The following ABTB3 variants were observed in gnomAD, a reference collection of about 807,000 sequenced individuals.
The protein encoded by ABTB3 is ankyrin repeat- and BTB/POZ domain-containing protein 3.
chr12:107,412,771 T>C, the ABTB3 span, among the ~76,000 whole-genome samples: 1 of 151,828 alleles, frequency 6.6e-6, no homozygotes, highest in South Asian at 2.1e-4. Context: ...GGATCTCACT[T>C]CCAATTTGTT....
chr12:107,344,535 G>T, the ABTB3 span, among the ~76,000 whole-genome samples: 2 of 152,198 alleles, frequency 1.3e-5, no homozygotes, highest in Admixed American at 1.3e-4. Flanking sequence ...CAGAGGTCAG[G>T]TTTCTCTAAG....
the ABTB3 span, among the ~76,000 whole-genome samples, chr12:107,600,498 A>C: frequency 6.6e-6 from 1 of 152,182 alleles, no homozygotes; most frequent in Non-Finnish European, 1.5e-5. Context: ...AAGACAACTA[A>C]TCTGACTGCT....
chr12:107,560,112 T>C, the ABTB3 span, among the ~76,000 whole-genome samples: 10 of 152,352 alleles, frequency 6.6e-5, no homozygotes. Context: ...GGTAGTACTA[T>C]AGAACATTCA....
chr12:107,394,377 A>G, the ABTB3 span, among the ~76,000 whole-genome samples: 1 of 152,326 alleles, frequency 6.6e-6, no homozygotes, highest in African/African-American at 2.4e-5. Context: ...TTCCTAGTGA[A>G]AGGTACTGTC....
the ABTB3 span, among the ~76,000 whole-genome samples, chr12:107,547,407 A>G: frequency 1.3e-5 from 2 of 152,092 alleles, no homozygotes; most frequent in African/African-American, 2.4e-5. Context: ...TTTCTATTAC[A>G]CAGTGTCCAT....
the ABTB3 span, chr12:107,319,592 C>A: frequency 1.3e-6 from 2 of 1,538,576 alleles, no homozygotes; most frequent in Non-Finnish European, 1.7e-6. Flanking sequence ...CCGCGTGTAT[C>A]GCTGGATGGT....
the ABTB3 span, among the ~76,000 whole-genome samples, chr12:107,436,825 GC>G: frequency 1.3e-5 from 2 of 152,106 alleles, no homozygotes; most frequent in Non-Finnish European, 2.9e-5. Flanking sequence ...CAAAGTATGT[GC>G]AACTATTATA....
At chr12:107,362,566 G>A in the ABTB3 span, among the ~76,000 whole-genome samples, 1 of 152,182 alleles carries the variant, frequency 6.6e-6, no homozygotes, top group Non-Finnish European at 1.5e-5. Context: ...GCCAAGGTGC[G>A]GGGGTTGCTT....
At chr12:107,449,114 G>A in the ABTB3 span, among the ~76,000 whole-genome samples, 157 of 152,344 alleles carry the variant, frequency 1.0e-3, no homozygotes, top group African/African-American at 3.6e-3. Flanking sequence ...GCAGCCATGT[G>A]CCTGGGCCCT....
the ABTB3 span, among the ~76,000 whole-genome samples, chr12:107,566,580 T>C: frequency 6.6e-6 from 1 of 151,756 alleles, no homozygotes; most frequent in Admixed American, 6.6e-5. Flanking sequence ...AAATTTAGCA[T>C]TGAGTTTCTT....
the ABTB3 span, among the ~76,000 whole-genome samples, chr12:107,654,097 G>C: frequency 6.6e-6 from 1 of 152,080 alleles, no homozygotes; most frequent in Admixed American, 6.6e-5. Context: ...AGTTTCATTC[G>C]TATAGTAGCA....
the ABTB3 span, among the ~76,000 whole-genome samples, chr12:107,433,988 C>T: frequency 6.6e-6 from 1 of 152,196 alleles, no homozygotes; most frequent in African/African-American, 2.4e-5. Flanking sequence ...TATGGGGACA[C>T]TCATCTCATT....
the ABTB3 span, among the ~76,000 whole-genome samples, chr12:107,428,804 C>T: frequency 2.0e-4 from 30 of 152,222 alleles, no homozygotes; most frequent in Non-Finnish European, 3.2e-4. Context: ...ATTTATTGAG[C>T]GTCTGCTCGG....
the ABTB3 span, among the ~76,000 whole-genome samples, chr12:107,624,669 T>A: frequency 1.3e-5 from 2 of 152,244 alleles, no homozygotes; most frequent in Non-Finnish European, 2.9e-5. Context: ...CGCAGCTTGT[T>A]CCTTTTCATT....
At chr12:107,369,023 T>A in the ABTB3 span, among the ~76,000 whole-genome samples, 1 of 152,214 alleles carries the variant, frequency 6.6e-6, no homozygotes, top group Non-Finnish European at 1.5e-5. Flanking sequence ...TAAATATCAC[T>A]TTCCACTCTG....
At chr12:107,327,702 G>A in the ABTB3 span, among the ~76,000 whole-genome samples, 10 of 152,174 alleles carry the variant, frequency 6.6e-5, no homozygotes, top group African/African-American at 2.4e-4. Flanking sequence ...AGTATAACCT[G>A]CTACCTGACT....
At chr12:107,479,333 G>A in the ABTB3 span, among the ~76,000 whole-genome samples, 14 of 151,948 alleles carry the variant, frequency 9.2e-5, no homozygotes, top group Non-Finnish European at 1.6e-4. Flanking sequence ...GTTAGGGCAC[G>A]AGGGTCTTTG....
chr12:107,449,320 G>C, the ABTB3 span, among the ~76,000 whole-genome samples: 2 of 152,202 alleles, frequency 1.3e-5, no homozygotes, highest in Non-Finnish European at 2.9e-5. Flanking sequence ...AGATGAAGCA[G>C]ACCTCCCAGC....
chr12:107,618,062 C>A, the ABTB3 span: 2 of 1,165,280 alleles, frequency 1.7e-6, no homozygotes, highest in Non-Finnish European at 2.5e-6. Flanking sequence ...CCCTCCCAAG[C>A]TAGTGGTCCC....
Sources: gnomAD v4.1 joint callset for allele counts (sites outside exome capture counted in the v4.1 genomes callset) on GRCh38, gnomAD v4.1.1 for gene constraint, MANE v1.5 for transcripts, NCBI Gene and HGNC (gene_info 2026-07-23, HGNC 2026-07-21) for gene names.